ALG9: variants seen among roughly 807,000 people sequenced by gnomAD.
The protein encoded by ALG9 is ALG9 alpha-1,2-mannosyltransferase, also known as alpha-1,2-mannosyltransferase ALG9.
A neutral mutation model predicts 81.8 loss-of-function variants in ALG9; 55 were observed. The ratio of observed to expected loss-of-function variants is 0.67; its 90% CI spans 0.54 to 0.84. The LOEUF is 0.84. Ranked by LOEUF, ALG9 falls within the 40% of genes least tolerant of loss-of-function variation. The pLI, the probability that ALG9 is intolerant of heterozygous loss-of-function variation, is 0.00. For synonymous variants in ALG9, 278 were observed against 274.3 expected (o/e 1.01, Z -0.13); for missense variants, 629 against 745.0 (o/e 0.84, Z 1.81).
rs781819720 is a variant in ALG9 at position 111,786,507 on chromosome 11, G to C, written c.1747C>G (p.Leu583Val). 1 of 1,614,010 alleles carries C rather than the reference G, an allele frequency of 6.2e-7. No homozygotes were observed. Among genetic ancestry groups the C allele is most frequent in the East Asian group, 2.2e-5 (1 of 44,882 alleles). The change falls in exon 15 of 15, where the codon CTG becomes GTG. Residue 583 changes from leucine to valine, a missense_variant. Transcript: ENST00000616540. ...AGGAAGGGGACATAGAATGCCCGCA[G>C]CAGCTTTGAAGATCTGAAAAACAAG... ...FLDASRSSKL[L>V]RAFYVPFLSD...
At chr11:111,793,759 TC>T (rs1947824996) in intron 14 of ALG9, among the ~76,000 whole-genome samples, 1 of 95,464 alleles carries the variant, frequency 1.0e-5, no homozygotes. Flanking sequence ...AGAGTCCAGC[TC>T]AAAAAAAAAA....
chr11:111,825,638 C>A (rs1953104333), intron 13 of ALG9, among the ~76,000 whole-genome samples: 1 of 152,216 alleles, frequency 6.6e-6, no homozygotes, highest in Non-Finnish European at 1.5e-5. Flanking sequence ...CTCACCTTCT[C>A]TATGCACATT....
At chr11:111,825,883 A>G (rs887174876) in intron 13 of ALG9, among the ~76,000 whole-genome samples, 4 of 151,474 alleles carry the variant, frequency 2.6e-5, no homozygotes, top group African/African-American at 9.7e-5. Flanking sequence ...ACCAACATGG[A>G]GAAACGCCAT....
rs782115954 is a variant in ALG9 at position 111,786,502 on chromosome 11, C to T, written c.1752G>A (p.Arg584=). The change falls in exon 15 of 15, where the codon CGG becomes CGA. Residue 584 remains arginine, a synonymous_variant. Coordinates refer to ENST00000616540, the MANE Select transcript of ALG9 (RefSeq NM_024740.2). ...LDASRSSKLL[R]AFYVPFLSDQ... ...CTGACAGGAAGGGGACATAGAATGC[C>T]CGCAGCAGCTTTGAAGATCTGAAAA... 5.6e-6 allele frequency: 9 copies of T among 1,613,934 alleles called. No homozygotes were observed. The East Asian group carries it at 2.0e-4, about 36-fold the overall frequency.
chr11:111,821,769 G>C (rs1952434433), intron 13 of ALG9, among the ~76,000 whole-genome samples: 1 of 152,012 alleles, frequency 6.6e-6, no homozygotes, highest in Non-Finnish European at 1.5e-5. Flanking sequence ...CTGAGTAGCT[G>C]GGACTACAGG....
At chr11:111,844,825 T>C (rs1422857231) in intron 8 of ALG9, 102 bp from the exon 9 acceptor site, 12 of 1,303,554 alleles carry the variant, frequency 9.2e-6, no homozygotes, top group Non-Finnish European at 1.2e-5. Context: ...CTGATGATCC[T>C]ATGCCTCATG....
chr11:111,855,937 T>C (rs1416656340), intron 6 of ALG9, among the ~76,000 whole-genome samples: 4 of 152,066 alleles, frequency 2.6e-5, no homozygotes, highest in African/African-American at 9.7e-5. Flanking sequence ...CTCATAAAAA[T>C]TTACCCCATA....
At chr11:111,819,977 A>C (rs1952077937) in intron 13 of ALG9, among the ~76,000 whole-genome samples, 1 of 152,258 alleles carries the variant, frequency 6.6e-6, no homozygotes, top group Non-Finnish European at 1.5e-5. Flanking sequence ...GTAAGTGCCA[A>C]GAATTTCTTC....
chr11:111,775,012 T>C, the ALG9 span, among the ~76,000 whole-genome samples: 4 of 152,260 alleles, frequency 2.6e-5, no homozygotes, highest in African/African-American at 9.6e-5. Context: ...GGTCTTGAAC[T>C]CCTGGGCTCA....
chr11:111,837,703 A>C (rs1307201851), intron 11 of ALG9, 88 bp from the exon 12 acceptor site: 2 of 1,456,454 alleles, frequency 1.4e-6, no homozygotes, highest in African/African-American at 2.8e-5. Flanking sequence ...TCGCACTGTA[A>C]GCCACAGGAA....
At chr11:111,780,705 A>G (rs191427451), downstream of ALG9, among the ~76,000 whole-genome samples, 1 of 152,162 alleles carries the variant, frequency 6.6e-6, no homozygotes, top group African/African-American at 2.4e-5. Context: ...CCAACTTGCC[A>G]TATTTTCTAT....
At chr11:111,854,706 T>G (rs546719615) in intron 6 of ALG9, among the ~76,000 whole-genome samples, 12 of 152,362 alleles carry the variant, frequency 7.9e-5, no homozygotes, top group African/African-American at 2.6e-4. Context: ...GTTTTTATTT[T>G]TTGTCACCCC....
the ALG9 span, among the ~76,000 whole-genome samples, chr11:111,773,013 C>T: frequency 5.3e-5 from 8 of 151,600 alleles, no homozygotes; most frequent in East Asian, 7.8e-4. Context: ...CCGAGGCAGG[C>T]GGATCACGAG....
intron 13 of ALG9, among the ~76,000 whole-genome samples, chr11:111,834,465 G>C (rs1261572618): frequency 6.6e-6 from 1 of 152,160 alleles, no homozygotes; most frequent in Non-Finnish European, 1.5e-5. Flanking sequence ...GCAAGCATAA[G>C]AACATTGCAT....
chr11:111,807,115 C>A (rs1218718287), intron 14 of ALG9, among the ~76,000 whole-genome samples: 1 of 152,160 alleles, frequency 6.6e-6, no homozygotes, highest in African/African-American at 2.4e-5. Flanking sequence ...TACTTACTAC[C>A]ATTTATTCTC....
At chr11:111,813,968 C>T (rs1951106700) in intron 13 of ALG9, among the ~76,000 whole-genome samples, 1 of 152,056 alleles carries the variant, frequency 6.6e-6, no homozygotes, top group Non-Finnish European at 1.5e-5. Flanking sequence ...TAGATTGAAC[C>T]ACATGAAATT....
intron 8 of ALG9, 62 bp from the exon 9 acceptor site, chr11:111,844,785 T>TAAA (rs1956720837): frequency 1.9e-6 from 3 of 1,555,194 alleles, no homozygotes; most frequent in Non-Finnish European, 1.8e-6. Flanking sequence ...TTACGGTGCT[T>TAAA]GACATATAAT....
chr11:111,860,524 C>G, intron 5 of ALG9, 23 bp downstream of exon 5: 1 of 1,602,564 alleles, frequency 6.2e-7, no homozygotes, highest in South Asian at 1.1e-5. Flanking sequence ...ACCTGCAATT[C>G]CCTCATCTGC....
Position 111,857,680 on chromosome 11 carries a change from T to C in ALG9, c.623A>G (p.Tyr208Cys). 6.2e-7 allele frequency: 1 copy of C among 1,614,172 alleles called. No homozygotes were observed. Among genetic ancestry groups the C allele is most frequent in the Non-Finnish European group, 8.5e-7 (1 of 1,180,032 alleles). ...YTTLIAMTGWYMDKTSIAVLG... is the reference protein window; with the variant it reads ...YTTLIAMTGWCMDKTSIAVLG... Reference sequence around the variant, plus strand: ...CACAGCAATGGAAGTCTTGTCCATATACCATCCAGTCATGGCTATCAACGT... The same window carrying C: ...CACAGCAATGGAAGTCTTGTCCATACACCATCCAGTCATGGCTATCAACGT... Residue 208 changes from tyrosine to cysteine, a missense_variant, in exon 6 of 15, where the codon TAT becomes TGT. By Grantham distance (194) the Tyr-to-Cys change is radical. Transcript: ENST00000616540.
Sources: gnomAD v4.1 joint callset for allele counts (sites outside exome capture counted in the v4.1 genomes callset) on GRCh38, gnomAD v4.1.1 for gene constraint, MANE v1.5 for transcripts, NCBI Gene and HGNC (gene_info 2026-07-23, HGNC 2026-07-21) for gene names.